Variants in LHFPL3 observed in about 807,000 individuals in gnomAD.
The protein encoded by LHFPL3 is LHFPL tetraspan subfamily member 3.
Under a neutral mutation model 19.3 loss-of-function variants are expected in LHFPL3, and 5 were observed. The ratio of observed to expected loss-of-function variants is 0.26; its 90% CI spans 0.14 to 0.54. The LOEUF (loss-of-function observed/expected upper bound fraction) is 0.54. Among genes scored for constraint, LHFPL3 ranks in the 20% least tolerant of loss-of-function variants. LHFPL3 has a pLI of 0.94. For synonymous variants in LHFPL3, 133 were observed against 126.2 expected (o/e 1.05, Z -0.36); for missense variants, 249 against 307.4 (o/e 0.81, Z 1.42).
At chr7:104,761,153 T>C (rs1486194170) in intron 2 of LHFPL3, among the ~76,000 whole-genome samples, 1 of 152,110 alleles carries the variant, frequency 6.6e-6, no homozygotes, top group East Asian at 1.9e-4. Context: ...GGCCATATAA[T>C]GACAAGATAA....
intron 1 of LHFPL3, among the ~76,000 whole-genome samples, chr7:104,438,874 A>G (rs78775444): frequency 0.043 from 6,614 of 152,170 alleles, 505 homozygotes; most frequent in African/African-American, 0.15. Flanking sequence ...AAAACAGACA[A>G]TATATACTAC....
chr7:104,457,248 T>C (rs2116612731), intron 1 of LHFPL3, among the ~76,000 whole-genome samples: 2 of 152,034 alleles, frequency 1.3e-5, no homozygotes, highest in East Asian at 3.9e-4. Context: ...TAGGTATATC[T>C]CCTCAAGCTA....
chr7:104,669,247 C>T, intron 1 of LHFPL3: 1 of 1,613,928 alleles, frequency 6.2e-7, no homozygotes, highest in Admixed American at 1.7e-5. Context: ...CACAGAGCAG[C>T]AATCCCCTAC....
chr7:104,537,028 G>T (rs1454185735), intron 1 of LHFPL3, among the ~76,000 whole-genome samples: 1 of 152,114 alleles, frequency 6.6e-6, no homozygotes, highest in African/African-American at 2.4e-5. Flanking sequence ...TGTCACTCAG[G>T]ATGTAAAGAT....
chr7:104,573,166 A>G (rs779210769), intron 1 of LHFPL3, among the ~76,000 whole-genome samples: 1 of 152,208 alleles, frequency 6.6e-6, no homozygotes, highest in Non-Finnish European at 1.5e-5. Flanking sequence ...TAATCCCAGC[A>G]CTTTGGGAGG....
chr7:104,830,145 C>A (rs962402871), intron 2 of LHFPL3, among the ~76,000 whole-genome samples: 3 of 151,862 alleles, frequency 2.0e-5, no homozygotes, highest in Admixed American at 2.0e-4. Flanking sequence ...AGAAGTGTCT[C>A]TTCATATCCT....
chr7:104,840,810 T>TACTCAGAAGA, intron 2 of LHFPL3, among the ~76,000 whole-genome samples: 1 of 152,212 alleles, frequency 6.6e-6, no homozygotes, highest in South Asian at 2.1e-4. Context: ...AAATAAAAAA[T>TACTCAGAAGA]ACTCAGAAGA....
intron 1 of LHFPL3, among the ~76,000 whole-genome samples, chr7:104,382,325 T>TA (rs568407855): frequency 2.2e-4 from 34 of 152,158 alleles, no homozygotes; most frequent in Non-Finnish European, 4.3e-4. Context: ...CCGTCTCTAT[T>TA]AAAAAAAACA....
chr7:104,668,790 G>A (rs1792415106), intron 1 of LHFPL3: 1 of 1,609,212 alleles, frequency 6.2e-7, no homozygotes, highest in Non-Finnish European at 8.5e-7. Context: ...TCCTCTGCTA[G>A]TAACTCCCAG....
chr7:104,568,777 G>T lies in LHFPL3; in HGVS notation c.446-167898G>T, dbSNP rs144838755. ...GTATTCTCCCAAAAACTCACTGGTG[G>T]TGCCCTTCCAGAGGTCAGAGAAACC... On this transcript the variant is annotated intron_variant, in intron 1 of 2. Transcript: ENST00000424859. 1.9e-3 allele frequency among the ~76,000 whole-genome samples: 285 copies of T among 152,262 alleles called. 1 individual carries two copies. The highest frequency in any genetic ancestry group is 6.7e-3 in the African/African-American group (279 of 41,550).
intron 1 of LHFPL3, among the ~76,000 whole-genome samples, chr7:104,470,886 G>A (rs891820053): frequency 6.6e-6 from 1 of 152,006 alleles, no homozygotes; most frequent in South Asian, 2.1e-4. Flanking sequence ...GGGGCATGGG[G>A]TCCTTTTCTG....
chr7:104,380,584 T>C (rs571774036), intron 1 of LHFPL3, among the ~76,000 whole-genome samples: 1 of 151,946 alleles, frequency 6.6e-6, no homozygotes, highest in South Asian at 2.1e-4. Flanking sequence ...GTTTCAAGAG[T>C]AAAGAAAAAT....
At chr7:104,508,472 G>A (rs1584368125) in intron 1 of LHFPL3, among the ~76,000 whole-genome samples, 2 of 121,526 alleles carry the variant, frequency 1.6e-5, no homozygotes, top group South Asian at 3.5e-4. Context: ...GGTGGGGGGA[G>A]GGGGGAGGGA....
At chr7:104,676,445 A>T (rs1234146215) in intron 1 of LHFPL3, among the ~76,000 whole-genome samples, 2 of 152,248 alleles carry the variant, frequency 1.3e-5, no homozygotes, top group Non-Finnish European at 2.9e-5. Context: ...AGTAAAACAC[A>T]TAATTTCTTA....
chr7:104,575,739 C>T (rs1254922265), intron 1 of LHFPL3, among the ~76,000 whole-genome samples: 20 of 151,898 alleles, frequency 1.3e-4, no homozygotes, highest in Admixed American at 3.9e-4. Context: ...TCCACCTCTC[C>T]GGGCTCAGGT....
At chr7:104,333,622 C>A (rs1220616011) in intron 1 of LHFPL3, among the ~76,000 whole-genome samples, 1 of 152,132 alleles carries the variant, frequency 6.6e-6, no homozygotes, top group Admixed American at 6.5e-5. Context: ...CGCTTGCTAC[C>A]TTAAATTTTA....
At chr7:104,810,405 G>A (rs958916029) in intron 2 of LHFPL3, among the ~76,000 whole-genome samples, 3 of 152,168 alleles carry the variant, frequency 2.0e-5, no homozygotes, top group Non-Finnish European at 2.9e-5. Context: ...AAGAGGTGAT[G>A]GTATATGTGG....
intron 1 of LHFPL3, among the ~76,000 whole-genome samples, chr7:104,590,754 C>A (rs1790697514): frequency 6.6e-6 from 1 of 152,160 alleles, no homozygotes; most frequent in Admixed American, 6.6e-5. Flanking sequence ...GTCTAAGTCT[C>A]TTTGTAGGTC....
chr7:104,704,724 C>T (rs1008999203), intron 1 of LHFPL3, among the ~76,000 whole-genome samples: 2 of 152,074 alleles, frequency 1.3e-5, no homozygotes, highest in African/African-American at 2.4e-5. Context: ...CAGCCTCGGC[C>T]TCCTGGGCTC....
Sources: gnomAD v4.1 joint callset for allele counts (sites outside exome capture counted in the v4.1 genomes callset) on GRCh38, gnomAD v4.1.1 for gene constraint, MANE v1.5 for transcripts, NCBI Gene and HGNC (gene_info 2026-07-23, HGNC 2026-07-21) for gene names.